ZMYM1: variants seen among roughly 807,000 people sequenced by gnomAD.
ZMYM1 encodes zinc finger MYM-type protein 1.
Under a neutral mutation model 60.0 loss-of-function variants are expected in ZMYM1, and 39 were observed. That is an observed-to-expected ratio of 0.65 (90% CI 0.50 to 0.85). The LOEUF (loss-of-function observed/expected upper bound fraction) is 0.85. Among genes scored for constraint, ZMYM1 ranks in the 40% least tolerant of loss-of-function variants. The probability of loss-of-function intolerance (pLI) is 0.00; values close to 1 mark genes in which losing one functional copy is unlikely to be tolerated. For synonymous variants in ZMYM1, 413 were observed against 454.0 expected (o/e 0.91, Z 1.15); for missense variants, 1,171 against 1,309.5 (o/e 0.89, Z 1.63).
In ZMYM1 at chr1:35,081,674, T is replaced by C. The variant is rs1244896250; in HGVS notation, c.-75+2232T>C. Reference sequence around the variant, plus strand: ...TGGTTATTTTTATATTTTTCTGTTCTAGTATAAAGAAATAAAATTGATTTT... The same window carrying C: ...TGGTTATTTTTATATTTTTCTGTTCCAGTATAAAGAAATAAAATTGATTTT... On this transcript the variant is annotated intron_variant, in intron 1 of 9. Coordinates refer to ENST00000359858, the MANE Select transcript of ZMYM1 (RefSeq NM_024772.5). Among the ~76,000 whole-genome samples, 3 of 152,160 alleles carry C rather than the reference T, an allele frequency of 2.0e-5. No homozygotes were observed. In the East Asian group the frequency reaches 5.8e-4, roughly 29 times the overall value.
At position 35,114,300 on chromosome 1, in the gene ZMYM1, C is replaced by G. The variant is rs774181901; in HGVS notation, c.2470C>G (p.Pro824Ala). Residue 824 changes from proline to alanine, a missense_variant, in exon 10 of 10, where the codon CCA (proline) becomes GCA (alanine). Physicochemically the swap from Pro to Ala is conservative, Grantham distance 27. Coordinates refer to ENST00000359858, the MANE Select transcript of ZMYM1 (RefSeq NM_024772.5). ...RTLLSVIDSL[P>A]EIIETLEVIA... Reference sequence around the variant, plus strand: ...ATTACTATCTGTGATTGACAGTCTTCCAGAGATTATTGAAACATTGGAAGT... The same window carrying G: ...ATTACTATCTGTGATTGACAGTCTTGCAGAGATTATTGAAACATTGGAAGT... 2 of 1,613,604 alleles carry G rather than the reference C, an allele frequency of 1.2e-6. No individual in the cohort carries two copies. The highest frequency in any genetic ancestry group is 2.7e-5 in the African/African-American group (2 of 74,894).
chr1:35,073,051 C>T (rs1228129437), intron 1 of ZMYM1, among the ~76,000 whole-genome samples: 1 of 150,852 alleles, frequency 6.6e-6, no homozygotes, highest in Non-Finnish European at 1.5e-5. Context: ...CACTGTACTC[C>T]AGCCTGGGTG....
Position 35,115,296 on chromosome 1 carries a change from T to G in ZMYM1, c.*37T>G. ...TTGAACTTACCTAAAAGACTTGTAT[T>G]TCCATTGGGATGTTTTCATTTCAAA... is the stretch of plus-strand genomic sequence containing the variant. On this transcript the variant is annotated 3_prime_UTR_variant, in exon 10 of 10. Coordinates refer to ENST00000359858, the MANE Select transcript of ZMYM1 (RefSeq NM_024772.5). The G allele has an allele frequency of 6.7e-7, 1 of 1,503,062 alleles. No individual in the cohort carries two copies. The highest frequency in any genetic ancestry group is 1.4e-5 in the African/African-American group (1 of 71,258). The allele number at this position is 1,503,062 out of a possible 1,614,324, so 93.1% of individuals were successfully genotyped here. A position where few individuals can be genotyped will look rare whatever the true frequency, so the allele number is the denominator to read the frequency against.
At chr1:35,103,780 T>TA (rs1643778374) in intron 4 of ZMYM1, among the ~76,000 whole-genome samples, 1 of 152,174 alleles carries the variant, frequency 6.6e-6, no homozygotes, top group East Asian at 1.9e-4. Flanking sequence ...ACTATGAAAA[T>TA]AGTTTTGATC....
chr1:35,091,460 G>A (rs552784475), intron 1 of ZMYM1, among the ~76,000 whole-genome samples: 591 of 152,144 alleles, frequency 3.9e-3, no homozygotes, highest in Non-Finnish European at 6.6e-3. Flanking sequence ...TGATCCACCC[G>A]CCTCAGCCTC....
At chr1:35,092,348 T>G (rs1398061196) in intron 1 of ZMYM1, among the ~76,000 whole-genome samples, 1 of 151,714 alleles carries the variant, frequency 6.6e-6, no homozygotes, top group Admixed American at 6.6e-5. Context: ...TTCTCCTGCC[T>G]TAGCTTCCTG....
intron 3 of ZMYM1, among the ~76,000 whole-genome samples, chr1:35,096,528 G>A (rs1276645698): frequency 1.3e-5 from 2 of 150,480 alleles, no homozygotes; most frequent in African/African-American, 2.5e-5. Flanking sequence ...AGGCTGAGGC[G>A]GGAGGTTTTT....
chr1:35,086,937 C>T (rs1258158114), intron 1 of ZMYM1, among the ~76,000 whole-genome samples: 1 of 151,100 alleles, frequency 6.6e-6, no homozygotes, highest in Non-Finnish European at 1.5e-5. Flanking sequence ...CCCACCTCAG[C>T]CTCCCAAAGT....
rs1644242209 is a variant in ZMYM1 at position 35,115,786 on chromosome 1, A to G, written c.*527A>G. 1 of 152,378 alleles carries G rather than the reference A, an allele frequency of 6.6e-6. No individual in the cohort carries two copies. Among genetic ancestry groups the G allele is most frequent in the African/African-American group, 2.4e-5 (1 of 41,464 alleles). 9.4% of individuals were successfully genotyped at this position (152,378 alleles called of 1,614,324 possible). Reference sequence around the variant, plus strand: ...TAGATATTGGCAAGTTGCCATCTATAAGGATTGTGCCAGTTTACAGTCCCA... The same window carrying G: ...TAGATATTGGCAAGTTGCCATCTATGAGGATTGTGCCAGTTTACAGTCCCA... On this transcript the variant is annotated 3_prime_UTR_variant, in exon 10 of 10. Coordinates refer to ENST00000359858, the MANE Select transcript of ZMYM1 (RefSeq NM_024772.5).
At chr1:35,109,210 T>A (rs1644003011) in intron 6 of ZMYM1, among the ~76,000 whole-genome samples, 1 of 151,996 alleles carries the variant, frequency 6.6e-6, no homozygotes, top group Non-Finnish European at 1.5e-5. Context: ...TATTTATTTA[T>A]TTATTAGAGA....
chr1:35,115,175 G>C lies in ZMYM1; in HGVS notation c.3345G>C (p.Glu1115Asp). 6.2e-7 allele frequency: 1 copy of C among 1,613,608 alleles called. No individual in the cohort carries two copies. Among genetic ancestry groups the C allele is most frequent in the Non-Finnish European group, 8.5e-7 (1 of 1,179,878 alleles). ...CTGGCCCAGCCCTAATGGCTGTTGA[G>C]CAGGAGTTGGTAAATAAACTAATGG... ...KLTGPALMAV[E>D]QELVNKLMEP... Residue 1115 changes from glutamate (E) to aspartate (D), a missense_variant, in exon 10 of 10, where the codon GAG becomes GAC. Transcript: ENST00000359858.
chr1:35,065,600 GT>G (rs1641960566), intron 1 of ZMYM1, among the ~76,000 whole-genome samples: 1 of 150,810 alleles, frequency 6.6e-6, no homozygotes, highest in South Asian at 2.1e-4. Context: ...GCATTAATTC[GT>G]TAGAAAAGAA....
At chr1:35,080,311 CTTCTTTT>C (rs1240818793) in intron 1 of ZMYM1, among the ~76,000 whole-genome samples, 1 of 145,930 alleles carries the variant, frequency 6.9e-6, no homozygotes, top group Admixed American at 6.9e-5. Context: ...TATATTTGTG[CTTCTTTT>C]TTTTTTTTTT....
chr1:35,108,249 TC>T (rs1213351649), intron 6 of ZMYM1, among the ~76,000 whole-genome samples: 2 of 152,236 alleles, frequency 1.3e-5, no homozygotes, highest in Non-Finnish European at 2.9e-5. Flanking sequence ...TTCGAAATTA[TC>T]CTTTTTGTTT....
chr1:35,115,511 A>G lies in ZMYM1; in HGVS notation c.*252A>G, dbSNP rs1284990280. 8.0e-6 allele frequency: 2 copies of G among 249,366 alleles called. No homozygotes were observed. The highest frequency in any genetic ancestry group is 1.1e-4 in the Admixed American group (2 of 19,014). 15.4% of individuals were successfully genotyped at this position (249,366 alleles called of 1,614,324 possible). ...CTTCTCTGTGTAACATATTTTTGAG[A>G]TTGTCCCATGTCGTTACATGAAGAG... On this transcript the variant is annotated 3_prime_UTR_variant, in exon 10 of 10. Transcript: ENST00000359858.
intron 1 of ZMYM1, among the ~76,000 whole-genome samples, chr1:35,080,097 T>C (rs201058041): frequency 2.3e-5 from 1 of 44,018 alleles, no homozygotes; most frequent in South Asian, 7.3e-4. Flanking sequence ...AGACCCCGTC[T>C]CAAAAAAAAA....
Position 35,113,975 on chromosome 1 carries a change from C to T in ZMYM1, c.2145C>T (p.Ala715=). 6.2e-7 allele frequency: 1 copy of T among 1,612,522 alleles called. No homozygotes were observed. The highest frequency in any genetic ancestry group is 8.5e-7 in the Non-Finnish European group (1 of 1,179,614). Residue 715 remains alanine, a synonymous_variant, in exon 10 of 10, where the codon GCC becomes GCT. Coordinates refer to ENST00000359858, the MANE Select transcript of ZMYM1 (RefSeq NM_024772.5). ...ATATGGATAAAATACATGGCCAGGC[C>T]TATGATAGCACCACTAATTTGAAGA... is the stretch of plus-strand genomic sequence containing the variant. ...GVDMDKIHGQ[A]YDSTTNLKIK...
Position 35,104,748 on chromosome 1 carries a change from G to T in ZMYM1, c.786G>T (p.Lys262Asn). The part of the protein sequence containing the change: ...EGQSHYFNSS[K>N]SITAYKQKPA... ...AGTCTCATTACTTTAATAGTTCAAA[G>T]AGTATTACAGCATATAAGCAGGTAT... The change falls in exon 6 of 10, where the codon AAG becomes AAT. Residue 262 changes from lysine to asparagine, a missense_variant. Lys to Asn is a moderately conservative substitution (Grantham distance 94, BLOSUM62 0). Transcript: ENST00000359858. 6.2e-7 allele frequency: 1 copy of T among 1,613,612 alleles called. No individual in the cohort carries two copies. Among genetic ancestry groups the T allele is most frequent in the Middle Eastern group, 1.7e-4 (1 of 6,060 alleles).
intron 1 of ZMYM1, among the ~76,000 whole-genome samples, chr1:35,082,706 G>A (rs1380410492): frequency 2.6e-5 from 4 of 151,456 alleles, no homozygotes; most frequent in African/African-American, 7.3e-5. Context: ...GTGGCCGGGC[G>A]TGGTGGCTCA....
Sources: gnomAD v4.1 joint callset for allele counts (sites outside exome capture counted in the v4.1 genomes callset) on GRCh38, gnomAD v4.1.1 for gene constraint, MANE v1.5 for transcripts, NCBI Gene and HGNC (gene_info 2026-07-23, HGNC 2026-07-21) for gene names.